Variants in ST8SIA2 observed in about 807,000 individuals in gnomAD.
The protein encoded by ST8SIA2 is ST8 alpha-N-acetyl-neuraminide alpha-2,8-sialyltransferase 2.
A neutral mutation model predicts 37.6 loss-of-function variants in ST8SIA2; 22 were observed. That is an observed-to-expected ratio of 0.58 (90% CI 0.42 to 0.83). The LOEUF is 0.83. ST8SIA2 is among the 40% of genes least tolerant of loss of function. The pLI is 0.00. For missense variants in ST8SIA2, 382 were observed against 484.7 expected (o/e 0.79, Z 1.99); for synonymous variants, 205 against 201.2 (o/e 1.02, Z -0.16).
intron 5 of ST8SIA2, among the ~76,000 whole-genome samples, chr15:92,455,969 A>T (rs1208633542): frequency 6.6e-6 from 1 of 152,188 alleles, no homozygotes; most frequent in African/African-American, 2.4e-5. Flanking sequence ...GTGGTATCTG[A>T]TTGTTGTTTG....
chr15:92,395,369 T>C (rs1385034922), intron 1 of ST8SIA2, among the ~76,000 whole-genome samples: 1 of 152,166 alleles, frequency 6.6e-6, no homozygotes, highest in Non-Finnish European at 1.5e-5. Context: ...GTCCCTCAAA[T>C]GGGAGATGCC....
intron 1 of ST8SIA2, among the ~76,000 whole-genome samples, chr15:92,420,350 G>T (rs1461911698): frequency 1.3e-5 from 2 of 152,190 alleles, no homozygotes; most frequent in African/African-American, 4.8e-5. Flanking sequence ...TGAGAAAGAG[G>T]AAGGATCAGG....
In ST8SIA2 at chr15:92,395,951, A is replaced by G. The variant is rs558715093; in HGVS notation, c.98+1789A>G. Among the ~76,000 whole-genome samples, 8 of 152,348 alleles carry G rather than the reference A, an allele frequency of 5.3e-5. 1 individual carries two copies. The South Asian group carries it at 1.2e-3, about 24-fold the overall frequency. On this transcript the variant is annotated intron_variant, in intron 1 of 5. Coordinates refer to ENST00000268164, the MANE Select transcript of ST8SIA2 (RefSeq NM_006011.4). ...GGGAACTTTTAATTTTTAAAATGCA[A>G]TCAGGAGATCACTTTGCACATAATG...
chr15:92,441,577 G>GCA (rs112388744), intron 4 of ST8SIA2, among the ~76,000 whole-genome samples: 6,074 of 143,266 alleles, frequency 0.042, 154 homozygotes, highest in South Asian at 0.11. Flanking sequence ...CACTGTGCAT[G>GCA]CACACACACA....
intron 1 of ST8SIA2, among the ~76,000 whole-genome samples, chr15:92,402,681 A>G (rs1050250892): frequency 6.6e-6 from 1 of 152,180 alleles, no homozygotes; most frequent in South Asian, 2.1e-4. Context: ...AAAGATCAGT[A>G]CAATTTAGGG....
chr15:92,464,342 G>A lies in ST8SIA2; in HGVS notation c.1085G>A (p.Gly362Glu). 6.2e-7 allele frequency: 1 copy of A among 1,614,034 alleles called. No individual in the cohort carries two copies. Among genetic ancestry groups the A allele is most frequent in the Non-Finnish European group, 8.5e-7 (1 of 1,180,030 alleles). ...GCCCTCAAGAGCCTACATGAGCAGG[G>A]GGCTTTGAAACTGACTGTCGGCCAG... ...FKALKSLHEQ[G>E]ALKLTVGQCD... Residue 362 changes from glycine to glutamate, a missense_variant, in exon 6 of 6, where the codon GGG becomes GAG. Coordinates refer to ENST00000268164, the MANE Select transcript of ST8SIA2 (RefSeq NM_006011.4).
intron 1 of ST8SIA2, among the ~76,000 whole-genome samples, chr15:92,426,327 G>A (rs897414857): frequency 6.6e-6 from 1 of 152,192 alleles, no homozygotes; most frequent in Non-Finnish European, 1.5e-5. Context: ...TGCATGGAAA[G>A]ATGATGTGGA....
rs752373275 is a variant in ST8SIA2, at chr15:92,464,721, C to A, written c.*336C>A. On this transcript the variant is annotated 3_prime_UTR_variant, in exon 6 of 6. Transcript: ENST00000268164. ...TCCCATGACTTTGGATGACAAACTG[C>A]CTCCTGGCTTGGAGGGATCTTTGGG... 5.9e-6 allele frequency: 2 copies of A among 336,348 alleles called. No homozygotes were observed. Among genetic ancestry groups the A allele is most frequent in the Non-Finnish European group, 1.1e-5 (2 of 179,154 alleles). The allele number at this position is 336,348 out of a possible 1,614,324, so 20.8% of individuals were successfully genotyped here. A position where few individuals can be genotyped will look rare whatever the true frequency, so the allele number is the denominator to read the frequency against.
intron 1 of ST8SIA2, among the ~76,000 whole-genome samples, chr15:92,398,983 C>T (rs1056014156): frequency 6.6e-6 from 1 of 152,202 alleles, no homozygotes; most frequent in African/African-American, 2.4e-5. Context: ...CAGAGGAGGA[C>T]TCTGAGCACA....
chr15:92,461,157 C>G (rs1293341993), intron 5 of ST8SIA2, among the ~76,000 whole-genome samples: 3 of 152,034 alleles, frequency 2.0e-5, no homozygotes, highest in African/African-American at 7.2e-5. Flanking sequence ...CTAAAAATTC[C>G]AAGGCATCTT....
At chr15:92,428,629 A>C (rs1297087690) in intron 1 of ST8SIA2, among the ~76,000 whole-genome samples, 1 of 152,210 alleles carries the variant, frequency 6.6e-6, no homozygotes, top group Admixed American at 6.5e-5. Context: ...CCGGACCCCA[A>C]CATGGAAGTA....
At chr15:92,455,936 T>A (rs1472244759) in intron 5 of ST8SIA2, among the ~76,000 whole-genome samples, 1 of 152,274 alleles carries the variant, frequency 6.6e-6, no homozygotes, top group Non-Finnish European at 1.5e-5. Flanking sequence ...CAACATTAGT[T>A]ATATTTACCA....
chr15:92,431,857 C>T (rs540388386), intron 2 of ST8SIA2, among the ~76,000 whole-genome samples: 71 of 152,264 alleles, frequency 4.7e-4, no homozygotes, highest in African/African-American at 1.5e-3. Flanking sequence ...CCCTTAAGAC[C>T]ATGATGGGCT....
At chr15:92,425,233 T>A (rs1282258944) in intron 1 of ST8SIA2, among the ~76,000 whole-genome samples, 1 of 152,196 alleles carries the variant, frequency 6.6e-6, no homozygotes, top group Non-Finnish European at 1.5e-5. Context: ...AAATCCCTCA[T>A]CAATTCCTGT....
At chr15:92,432,314 CT>C (rs1164375130) in intron 2 of ST8SIA2, among the ~76,000 whole-genome samples, 9 of 152,194 alleles carry the variant, frequency 5.9e-5, no homozygotes, top group Middle Eastern at 3.2e-3. Context: ...GTCAGTGCCC[CT>C]GCCTGTGTTC....
chr15:92,439,814 G>A lies in ST8SIA2; in HGVS notation c.548+1204G>A, dbSNP rs148555352. Among the ~76,000 whole-genome samples, 1,175 of 152,258 alleles carry A rather than the reference G, an allele frequency of 7.7e-3. 4 individuals carry two copies. Among genetic ancestry groups the A allele is most frequent in the Non-Finnish European group, 0.012 (807 of 68,024 alleles). On this transcript the variant is annotated intron_variant, in intron 4 of 5. Transcript: ENST00000268164. ...GGTGAGGGGAGGGGAAAGGAAGAAG[G>A]AAGAGTGGCTGGTCTGTCTGCTTGG...
intron 1 of ST8SIA2, among the ~76,000 whole-genome samples, chr15:92,413,559 T>C (rs1157758548): frequency 6.6e-6 from 1 of 152,184 alleles, no homozygotes; most frequent in Admixed American, 6.5e-5. Flanking sequence ...GTGGGTAGTT[T>C]CCGCGCATCC....
At chr15:92,458,632 C>G (rs1162819506) in intron 5 of ST8SIA2, among the ~76,000 whole-genome samples, 1 of 152,210 alleles carries the variant, frequency 6.6e-6, no homozygotes, top group African/African-American at 2.4e-5. Context: ...AGCACAGAGG[C>G]AGCAGGACCA....
chr15:92,393,929 G>A lies in ST8SIA2; in HGVS notation c.-136G>A, dbSNP rs915595397. On this transcript the variant is annotated 5_prime_UTR_variant, in exon 1 of 6. Coordinates refer to ENST00000268164, the MANE Select transcript of ST8SIA2 (RefSeq NM_006011.4). Reference sequence around the variant, plus strand: ...CGCTGCCGCTGCCGCTGCCGCCGCCGGCCCGGACTCGTCCGGAGCGCAGGG... The same window carrying A: ...CGCTGCCGCTGCCGCTGCCGCCGCCAGCCCGGACTCGTCCGGAGCGCAGGG... The A allele has an allele frequency of 1.2e-4, 41 of 342,680 alleles. No individual in the cohort carries two copies. The East Asian group carries it at 3.3e-3, about 28-fold the overall frequency. The allele number at this position is 342,680 out of a possible 1,614,324, so 21.2% of individuals were successfully genotyped here.
Sources: allele counts gnomAD v4.1 joint callset (sites outside exome capture counted in the v4.1 genomes callset), GRCh38; gene constraint gnomAD v4.1.1; transcripts MANE v1.5; gene names NCBI Gene and HGNC (gene_info 2026-07-23, HGNC 2026-07-21).